Variants in ANLN observed in about 807,000 individuals in gnomAD.
ANLN encodes anillin, actin binding protein.
In ANLN, 59 loss-of-function variants were observed where a neutral mutation model predicts 135.1. The ratio of observed to expected loss-of-function variants is 0.44; its 90% confidence interval spans 0.35 to 0.54. The LOEUF is 0.54. Among genes scored for constraint, ANLN ranks in the 20% least tolerant of loss-of-function variants. The probability of loss-of-function intolerance (pLI) is 0.00; values close to 1 mark genes in which losing one functional copy is unlikely to be tolerated. For missense variants in ANLN, 1,182 were observed against 1,340.0 expected, an observed-to-expected ratio of 0.88 and a Z score of 1.84; for synonymous variants, 406 against 456.4, an observed-to-expected ratio of 0.89 and a Z score of 1.41.
chr7:36,440,114 AGT>A (rs1298940654), intron 21 of ANLN, among the ~76,000 whole-genome samples: 1 of 152,190 alleles, frequency 6.6e-6, no homozygotes, highest in Admixed American at 6.5e-5. Flanking sequence ...CATGTGTGAA[AGT>A]TCTGGGTTTG....
chr7:36,415,478 C>T (rs1369885923), intron 7 of ANLN, among the ~76,000 whole-genome samples: 1 of 152,016 alleles, frequency 6.6e-6, no homozygotes, highest in African/African-American at 2.4e-5. Context: ...CTTTGATTGG[C>T]TTATCTAAAA....
intron 2 of ANLN, among the ~76,000 whole-genome samples, chr7:36,397,387 A>G (rs1481767470): frequency 6.6e-6 from 1 of 152,336 alleles, no homozygotes; most frequent in Non-Finnish European, 1.5e-5. Context: ...ATTTGAAACC[A>G]GTGTTACCTA....
chr7:36,406,078 C>A, intron 3 of ANLN, 103 bp from the exon 4 acceptor site: 1 of 1,108,568 alleles, frequency 9.0e-7, no homozygotes, highest in Non-Finnish European at 1.2e-6. Flanking sequence ...GGTTCTTAAA[C>A]CTATTAATCT....
chr7:36,417,116 T>C lies in ANLN; in HGVS notation c.1559T>C (p.Leu520Ser), dbSNP rs759477786. The C allele has an allele frequency of 3.7e-6, 6 of 1,609,768 alleles. No homozygotes were observed. In the Admixed American group the frequency reaches 1.0e-4, roughly 27 times the overall value. ...TECEMTKSSPLKITLFLEEDK... is the reference protein window; with the variant it reads ...TECEMTKSSPSKITLFLEEDK... ...TGCGAAATGACGAAATCTAGCCCTT[T>C]GAAAATAACATTGTTTTTAGAAGAG... Residue 520 changes from leucine (L) to serine (S), a missense_variant, in exon 9 of 24, where the codon TTG becomes TCG. Leu to Ser is a moderately radical substitution (Grantham distance 145). Transcript: ENST00000265748.
chr7:36,417,553 A>G (rs546110472), intron 9 of ANLN, among the ~76,000 whole-genome samples: 1 of 152,032 alleles, frequency 6.6e-6, no homozygotes, highest in Non-Finnish European at 1.5e-5. Flanking sequence ...ATTCAATTCA[A>G]TTCTGACACT....
At chr7:36,414,025 G>T (rs1348128909) in intron 7 of ANLN, among the ~76,000 whole-genome samples, 1 of 152,000 alleles carries the variant, frequency 6.6e-6, no homozygotes, top group East Asian at 1.9e-4. Context: ...GTCAAGGGAA[G>T]AAAGAAAACT....
chr7:36,425,895 T>C (rs756132275), intron 18 of ANLN, 120 bp from the exon 19 acceptor site: 3 of 1,155,278 alleles, frequency 2.6e-6, no homozygotes, highest in Non-Finnish European at 2.5e-6. Flanking sequence ...GTAGGAAAAG[T>C]GTTTTCTGAA....
intron 2 of ANLN, among the ~76,000 whole-genome samples, chr7:36,397,546 T>A (rs1369508373): frequency 6.6e-6 from 1 of 152,148 alleles, no homozygotes; most frequent in African/African-American, 2.4e-5. Context: ...AATTATTAGA[T>A]GTGTTCATAG....
chr7:36,398,901 T>C (rs1054719899), intron 2 of ANLN, among the ~76,000 whole-genome samples, 178 bp from the exon 3 acceptor site: 2 of 152,160 alleles, frequency 1.3e-5, no homozygotes, highest in Non-Finnish European at 2.9e-5. Context: ...AGATCTTTCA[T>C]ATCAGATTTC....
At chr7:36,424,871 A>G (rs1222805393) in intron 17 of ANLN, 129 bp downstream of exon 17, 2 of 864,132 alleles carry the variant, frequency 2.3e-6, no homozygotes, top group South Asian at 1.8e-5. Context: ...TCCAATTTGT[A>G]GTTACTATGT....
intron 20 of ANLN, among the ~76,000 whole-genome samples, chr7:36,436,803 A>T (rs1226281756): frequency 1.3e-5 from 2 of 152,132 alleles, no homozygotes; most frequent in Non-Finnish European, 2.9e-5. Context: ...CCAAATTTTC[A>T]GTTTGGTTTG....
At chr7:36,398,729 A>T (rs920835983) in intron 2 of ANLN, among the ~76,000 whole-genome samples, 3 of 152,086 alleles carry the variant, frequency 2.0e-5, no homozygotes, top group Non-Finnish European at 4.4e-5. Flanking sequence ...AGCAGTATAC[A>T]CTGCACCATA....
rs561457367 is a variant in ANLN at position 36,453,063 on chromosome 7, C to G, written c.*463C>G. 2.6e-5 allele frequency: 4 copies of G among 152,684 alleles called. No individual in the cohort carries two copies. Among genetic ancestry groups the G allele is most frequent in the African/African-American group, 9.6e-5 (4 of 41,494 alleles). 9.5% of individuals were successfully genotyped at this position (152,684 alleles called of 1,614,324 possible). On this transcript the variant is annotated 3_prime_UTR_variant, in exon 24 of 24. Coordinates refer to ENST00000265748, the MANE Select transcript of ANLN (RefSeq NM_018685.5). The stretch of plus-strand genomic sequence containing the variant: ...GTTACTAGGGTACTGAAAAAAATGT[C>G]TAAGGCCTTTACAGAAACATTTTTA...
rs185392874 is a variant in ANLN, at chr7:36,425,641, T to C, written c.2710-61T>C. The C allele has an allele frequency of 1.4e-5, 19 of 1,325,810 alleles. No individual in the cohort carries two copies. In the Admixed American group the frequency reaches 2.1e-4, roughly 14 times the overall value. The allele number at this position is 1,325,810 out of a possible 1,614,324, so 82.1% of individuals were successfully genotyped here. A position where few individuals can be genotyped will look rare whatever the true frequency, so the allele number is the denominator to read the frequency against. On this transcript the variant is annotated intron_variant, in intron 17 of 23. Transcript: ENST00000265748. ...AGGAATTTCTCAAGGTTGGATAGTTTTACTTTCTGAGACATAATGTTTAAT... is the reference window on the plus strand; with the variant it reads ...AGGAATTTCTCAAGGTTGGATAGTTCTACTTTCTGAGACATAATGTTTAAT...
At chr7:36,402,739 AT>A (rs1787009709) in intron 3 of ANLN, among the ~76,000 whole-genome samples, 1 of 152,010 alleles carries the variant, frequency 6.6e-6, no homozygotes, top group Non-Finnish European at 1.5e-5. Context: ...CTTTCTATAC[AT>A]TTTTGTTTTT....
In ANLN at chr7:36,453,029, A is replaced by T. The variant is rs1390473509; in HGVS notation, c.*429A>T. ...AGGCTGTGATCATTTATTGATCGTG[A>T]TATGACTTGTTACTAGGGTACTGAA... On this transcript the variant is annotated 3_prime_UTR_variant, in exon 24 of 24. Transcript: ENST00000265748. 6.4e-6 allele frequency: 1 copy of T among 155,108 alleles called. No homozygotes were observed. Among genetic ancestry groups the T allele is most frequent in the African/African-American group, 2.4e-5 (1 of 41,464 alleles). The allele number at this position is 155,108 out of a possible 1,614,324, so 9.6% of individuals were successfully genotyped here.
chr7:36,441,729 G>A (rs1209033179), intron 21 of ANLN, among the ~76,000 whole-genome samples: 1 of 152,202 alleles, frequency 6.6e-6, no homozygotes, highest in Admixed American at 6.5e-5. Context: ...ATTATAGTAT[G>A]ATGTCATAAT....
Position 36,415,870 on chromosome 7 carries a change from G to C in ANLN, c.1508G>C (p.Ser503Thr). The C allele has an allele frequency of 6.3e-7, 1 of 1,595,040 alleles. No individual in the cohort carries two copies. The highest frequency in any genetic ancestry group is 8.5e-7 in the Non-Finnish European group (1 of 1,173,696). ...AACCAGATACCAGCCAAAAATTCTA[G>C]TACAGAACCTAAAGGTCAGTGTTTC... ...TENQIPAKNS[S>T]TEPKGFTECE... Residue 503 changes from serine to threonine, a missense_variant, in exon 8 of 24, where the codon AGT becomes ACT. By Grantham distance (58) the Ser-to-Thr change is moderately conservative. Transcript: ENST00000265748.
intron 2 of ANLN, among the ~76,000 whole-genome samples, chr7:36,398,161 G>A (rs1420918050): frequency 6.9e-6 from 1 of 145,746 alleles, no homozygotes; most frequent in African/African-American, 2.4e-5. Flanking sequence ...ATGCCTTATG[G>A]TTCTGATAGA....
Sources: gnomAD v4.1 joint callset for allele counts (sites outside exome capture counted in the v4.1 genomes callset) on GRCh38, gnomAD v4.1.1 for gene constraint, MANE v1.5 for transcripts, NCBI Gene and HGNC (gene_info 2026-07-23, HGNC 2026-07-21) for gene names.